The following PIAS4 variants were observed in gnomAD, a reference collection of about 807,000 sequenced individuals.
The protein encoded by PIAS4 is E3 SUMO-protein ligase PIAS4.
PIAS4 carries 7 observed loss-of-function variants against 58.0 expected under a neutral mutation model. That is an observed-to-expected ratio of 0.12 (90% CI 0.07 to 0.23). The LOEUF is 0.23. PIAS4 is among the 10% of genes least tolerant of loss of function. The probability of loss-of-function intolerance (pLI) is 1.00; values close to 1 mark genes in which losing one functional copy is unlikely to be tolerated. For missense variants in PIAS4, 550 were observed against 709.5 expected, an observed-to-expected ratio of 0.78 and a Z score of 2.55; for synonymous variants, 364 against 312.4, an observed-to-expected ratio of 1.17 and a Z score of -1.74.
Position 4,028,192 on chromosome 19 carries a change from G to A in PIAS4, c.581+5G>A. ...AGCCGTGCAGGTCGTCCTGAGGTAT[G>A]CCCAGGTGTGCCCGCGACCCCAGGG... On this transcript the variant is annotated splice_donor_5th_base_variant and intron_variant, in intron 4 of 10. Transcript: ENST00000262971. The A allele has an allele frequency of 6.2e-7, 1 of 1,610,152 alleles. No individual in the cohort carries two copies.
chr19:4,033,623 C>G (rs770503732), intron 9 of PIAS4, 43 bp downstream of exon 9: 2 of 1,525,894 alleles, frequency 1.3e-6, no homozygotes, highest in Non-Finnish European at 1.8e-6. Context: ...GCCGGACATC[C>G]GTGGAGGTCT....
At chr19:4,027,424 A>G (rs1490479385) in intron 3 of PIAS4, among the ~76,000 whole-genome samples, 1 of 152,110 alleles carries the variant, frequency 6.6e-6, no homozygotes, top group East Asian at 1.9e-4. Context: ...CTACGGAAGG[A>G]CACTCAGGAT....
At chr19:4,029,213 G>A (rs752485246) in intron 7 of PIAS4, among the ~76,000 whole-genome samples, 177 bp downstream of exon 7, 83 of 152,294 alleles carry the variant, frequency 5.4e-4, no homozygotes, top group Non-Finnish European at 9.1e-4. Flanking sequence ...GATACGGATG[G>A]CAGAGGGGGC....
intron 3 of PIAS4, among the ~76,000 whole-genome samples, 191 bp downstream of exon 3, chr19:4,024,311 G>A (rs555011574): frequency 1.3e-5 from 2 of 152,254 alleles, no homozygotes; most frequent in South Asian, 2.1e-4. Flanking sequence ...GTGCTGGCCT[G>A]TGTGCCCACT....
At chr19:4,010,980 C>G (rs1321804461) in intron 1 of PIAS4, among the ~76,000 whole-genome samples, 1 of 152,210 alleles carries the variant, frequency 6.6e-6, no homozygotes, top group African/African-American at 2.4e-5. Context: ...TGGAAGAAAT[C>G]AGAGCTGACA....
chr19:4,022,342 T>C (rs916801497), intron 2 of PIAS4, among the ~76,000 whole-genome samples: 2 of 152,138 alleles, frequency 1.3e-5, no homozygotes, highest in African/African-American at 4.8e-5. Context: ...TTTTTGTTGT[T>C]GTTGTTGTTT....
chr19:4,036,736 A>G (rs1318926541), intron 9 of PIAS4, among the ~76,000 whole-genome samples: 7 of 149,200 alleles, frequency 4.7e-5, no homozygotes, highest in African/African-American at 1.2e-4. Flanking sequence ...AGTCCACACC[A>G]TCACATGCAC....
Position 4,035,694 on chromosome 19 carries a change from A to T in PIAS4, c.1143-1680A>T, listed in dbSNP as rs535655139. On this transcript the variant is annotated intron_variant, in intron 9 of 10. Transcript: ENST00000262971. ...TGGCGGGCACACAGTGCAATGTGAA[A>T]GCAGGTGTGCGTGCACACCCACACC... Among the ~76,000 whole-genome samples, 7 of 141,394 alleles carry T rather than the reference A, an allele frequency of 5.0e-5. No individual in the cohort carries two copies. The East Asian group carries it at 1.5e-3, about 30-fold the overall frequency. 92.8% of individuals were successfully genotyped at this position (141,394 alleles called of 152,430 possible).
chr19:4,019,340 G>A (rs961594940), intron 2 of PIAS4, among the ~76,000 whole-genome samples: 1 of 152,134 alleles, frequency 6.6e-6, no homozygotes, highest in South Asian at 2.1e-4. Context: ...GAGAAGCACA[G>A]CCCGGTCTCC....
At chr19:4,014,343 CCA>C (rs2040030380) in intron 2 of PIAS4, among the ~76,000 whole-genome samples, 1 of 152,160 alleles carries the variant, frequency 6.6e-6, no homozygotes, top group Non-Finnish European at 1.5e-5. Flanking sequence ...GGCATTGAGC[CCA>C]GTCTCTGCCT....
chr19:4,007,803 C>G lies in PIAS4; in HGVS notation c.27+16C>G. 1 of 1,209,660 alleles carries G rather than the reference C, an allele frequency of 8.3e-7. No homozygotes were observed. Among genetic ancestry groups the G allele is most frequent in the Non-Finnish European group, 1.0e-6 (1 of 968,594 alleles). The allele number at this position is 1,209,660 out of a possible 1,614,324, so 74.9% of individuals were successfully genotyped here. A position where few individuals can be genotyped will look rare whatever the true frequency, so the allele number is the denominator to read the frequency against. The stretch of plus-strand genomic sequence containing the variant: ...GGAGGCCAAAGTGAGTGAGCGGTGG[C>G]GGCGCCGGCCGGGGCAAGTGGGCGA... On this transcript the variant is annotated intron_variant, in intron 1 of 10. Transcript: ENST00000262971.
intron 2 of PIAS4, among the ~76,000 whole-genome samples, chr19:4,017,503 C>G (rs1172483539): frequency 6.6e-6 from 1 of 152,144 alleles, no homozygotes; most frequent in African/African-American, 2.4e-5. Context: ...TCATACCTGA[C>G]TGTGCTGCCT....
At chr19:4,022,254 G>A (rs1754679075) in intron 2 of PIAS4, among the ~76,000 whole-genome samples, 1 of 152,150 alleles carries the variant, frequency 6.6e-6, no homozygotes, top group African/African-American at 2.4e-5. Flanking sequence ...TGTAGGGTCT[G>A]TACTATTGTT....
intron 1 of PIAS4, among the ~76,000 whole-genome samples, chr19:4,008,517 C>T (rs909302537): frequency 1.3e-4 from 20 of 152,276 alleles, no homozygotes; most frequent in African/African-American, 4.8e-4. Flanking sequence ...GAAGGCTGGG[C>T]CCTCCCTTTC....
intron 9 of PIAS4, among the ~76,000 whole-genome samples, chr19:4,034,710 C>A (rs73918117): frequency 3.3e-5 from 5 of 152,188 alleles, no homozygotes; most frequent in Non-Finnish European, 5.9e-5. Context: ...CTTGGGGTGG[C>A]GGCAGCTCTC....
At chr19:4,035,410 G>C (rs539821117) in intron 9 of PIAS4, among the ~76,000 whole-genome samples, 17 of 152,244 alleles carry the variant, frequency 1.1e-4, no homozygotes, top group African/African-American at 3.9e-4. Context: ...AGACGGGTTG[G>C]GGAGCAGAAC....
chr19:4,010,617 G>C (rs2039983549), intron 1 of PIAS4, among the ~76,000 whole-genome samples: 1 of 152,252 alleles, frequency 6.6e-6, no homozygotes, highest in African/African-American at 2.4e-5. Context: ...GGGTCCCCCG[G>C]GCAGCAGACG....
Position 4,024,097 on chromosome 19 carries a change from G to A in PIAS4, c.516G>A (p.Gln172=). 6.2e-7 allele frequency: 1 copy of A among 1,613,880 alleles called. No homozygotes were observed. The highest frequency in any genetic ancestry group is 1.7e-5 in the Admixed American group (1 of 60,018). The change falls in exon 3 of 11, where the codon CAG becomes CAA. Residue 172 remains glutamine, a synonymous_variant. Transcript: ENST00000262971. ...GCATCTTCGCATTGACGCCAAGACA[G>A]GTGGAGTTGATCCGGAACTCCAGGT... The part of the protein sequence containing the change: ...SPCIFALTPR[Q]VELIRNSREL...
Position 4,013,050 on chromosome 19 carries a change from C to T in PIAS4, c.155C>T (p.Pro52Leu). The T allele has an allele frequency of 6.2e-7, 1 of 1,613,562 alleles. No individual in the cohort carries two copies. Among genetic ancestry groups the T allele is most frequent in the Non-Finnish European group, 8.5e-7 (1 of 1,179,986 alleles). Residue 52 changes from proline (P) to leucine (L), a missense_variant, in exon 2 of 11, where the codon CCT (proline) becomes CTT (leucine). Transcript: ENST00000262971. This position sits in a 1 kb window ranked among gnomAD's most constrained non-coding sequence, Gnocchi z 5.1. ...ALQLVQFDCS[P>L]ELFKKIKELY... ...CAGCTGGTGCAGTTTGACTGTAGCC[C>T]TGAGCTGTTCAAGAAGATCAAGGAG... is the stretch of plus-strand genomic sequence containing the variant.
Sources: gnomAD v4.1 joint callset for allele counts (sites outside exome capture counted in the v4.1 genomes callset) on GRCh38, gnomAD v4.1.1 for gene constraint, Gnocchi (gnomAD v3.1) non-coding constraint, MANE v1.5 for transcripts, NCBI Gene and HGNC (gene_info 2026-07-23, HGNC 2026-07-21) for gene names.